The following GPHN variants were observed in gnomAD, a reference collection of about 807,000 sequenced individuals.
GPHN encodes the protein gephyrin.
GPHN carries 17 observed loss-of-function variants against 95.5 expected under a neutral mutation model. The ratio of observed to expected loss-of-function variants is 0.18; its 90% CI spans 0.12 to 0.27. The LOEUF (loss-of-function observed/expected upper bound fraction) is 0.27. Among genes scored for constraint, GPHN ranks in the 10% least tolerant of loss-of-function variants. The pLI, the probability that GPHN is intolerant of heterozygous loss-of-function variation, is 1.00. For synonymous variants in GPHN, 320 were observed against 322.5 expected, an observed-to-expected ratio of 0.99 and a Z score of 0.08; for missense variants, 660 against 978.1, an observed-to-expected ratio of 0.67 and a Z score of 4.34.
At chr14:67,301,555 C>A in the GPHN span, 1 of 756,474 alleles carries the variant, frequency 1.3e-6, no homozygotes, top group Non-Finnish European at 2.1e-6. Context: ...GAAGAGATGT[C>A]AAACATTCTC....
chr14:66,814,642 T>C (rs1350902238), intron 3 of GPHN, among the ~76,000 whole-genome samples: 1 of 151,604 alleles, frequency 6.6e-6, no homozygotes, highest in East Asian at 1.9e-4. Context: ...TCAAATAGGA[T>C]AAAAGAAAAA....
At chr14:67,455,600 G>A in the GPHN span, among the ~76,000 whole-genome samples, 16 of 152,270 alleles carry the variant, frequency 1.1e-4, no homozygotes, top group African/African-American at 3.6e-4. Context: ...AATAATAAAT[G>A]AAAAGCTAGG....
At chr14:67,392,631 G>A in the GPHN span, 1 of 1,582,720 alleles carries the variant, frequency 6.3e-7, no homozygotes, top group Non-Finnish European at 8.7e-7. Flanking sequence ...CTTTTGCCCT[G>A]GTGGCAAGAA....
intron 4 of GPHN, among the ~76,000 whole-genome samples, chr14:66,876,487 GAGAT>G (rs1391848712): frequency 6.6e-6 from 1 of 151,924 alleles, no homozygotes; most frequent in African/African-American, 2.4e-5. Flanking sequence ...ATTAACAAAA[GAGAT>G]AGAACACTAG....
chr14:67,366,915 G>A, the GPHN span, among the ~76,000 whole-genome samples: 1 of 145,896 alleles, frequency 6.9e-6, no homozygotes, highest in Admixed American at 7.0e-5. Context: ...AGGCAGCTAA[G>A]GTTCTAGCAG....
At chr14:66,787,406 G>C (rs999440378) in intron 3 of GPHN, among the ~76,000 whole-genome samples, 2 of 152,124 alleles carry the variant, frequency 1.3e-5, no homozygotes, top group African/African-American at 4.8e-5. Flanking sequence ...AATGATGTCA[G>C]TTCTCCCCTA....
At chr14:67,126,859 A>G (rs1174429899) in intron 17 of GPHN, among the ~76,000 whole-genome samples, 3 of 151,746 alleles carry the variant, frequency 2.0e-5, no homozygotes, top group African/African-American at 4.8e-5. Flanking sequence ...ATGTCCAACA[A>G]TGATAGACTG....
chr14:66,957,918 A>G (rs1176484237), intron 8 of GPHN, among the ~76,000 whole-genome samples: 1 of 152,170 alleles, frequency 6.6e-6, no homozygotes, highest in African/African-American at 2.4e-5. Flanking sequence ...TGTGCTCCTT[A>G]TGAGAATTTA....
intron 11 of GPHN, among the ~76,000 whole-genome samples, chr14:67,069,375 C>T (rs2076192184): frequency 1.3e-5 from 2 of 152,166 alleles, no homozygotes; most frequent in South Asian, 4.1e-4. Context: ...CTTCCTACTG[C>T]TTGGAATCAA....
intron 17 of GPHN, 132 bp from the exon 18 acceptor site, chr14:67,143,230 C>A: frequency 1.4e-6 from 1 of 718,428 alleles, no homozygotes; most frequent in Non-Finnish European, 2.6e-6. Context: ...TTTTGATTCC[C>A]ACTTCATACA....
chr14:66,821,704 T>C (rs2061197163), intron 3 of GPHN, among the ~76,000 whole-genome samples: 1 of 152,224 alleles, frequency 6.6e-6, no homozygotes, highest in South Asian at 2.1e-4. Context: ...GACTGAATGA[T>C]AGGATTTCTA....
At chr14:66,973,521 C>T (rs10136043) in intron 9 of GPHN, among the ~76,000 whole-genome samples, 3 of 152,044 alleles carry the variant, frequency 2.0e-5, no homozygotes, top group South Asian at 2.1e-4. Context: ...CACTTTGGAA[C>T]GCCAAGGCGG....
chr14:67,653,481 T>C, the GPHN span: 1 of 1,614,062 alleles, frequency 6.2e-7, no homozygotes, highest in Non-Finnish European at 8.5e-7. Flanking sequence ...TGCTCAAGTT[T>C]TCACTTGTGT....
chr14:67,559,480 G>T, the GPHN span: 1 of 628,328 alleles, frequency 1.6e-6, no homozygotes. Context: ...TTCAACAAAC[G>T]ATTTCTGCTC....
chr14:67,397,852 G>C, the GPHN span: 2 of 1,586,308 alleles, frequency 1.3e-6, no homozygotes, highest in East Asian at 2.3e-5. Context: ...AAAGCCCTGA[G>C]GTGAGGCGGT....
chr14:66,567,481 A>C (rs1452649279), intron 1 of GPHN, among the ~76,000 whole-genome samples: 3 of 152,126 alleles, frequency 2.0e-5, no homozygotes, highest in African/African-American at 4.8e-5. Context: ...ATTTGTTTGG[A>C]TCTGGGATTG....
chr14:67,359,520 T>C, the GPHN span: 1 of 946,060 alleles, frequency 1.1e-6, no homozygotes, highest in African/African-American at 1.7e-5. Context: ...AGCCTCGCCC[T>C]AGACTCAAGA....
intron 11 of GPHN, among the ~76,000 whole-genome samples, chr14:67,063,943 TC>T (rs1476274088): frequency 1.2e-4 from 19 of 152,230 alleles, no homozygotes; most frequent in Admixed American, 1.2e-3. Flanking sequence ...TGCCTGATTG[TC>T]CCTGGCCAGA....
intron 2 of GPHN, among the ~76,000 whole-genome samples, chr14:66,702,001 C>T (rs758184764): frequency 6.6e-6 from 1 of 152,198 alleles, no homozygotes; most frequent in African/African-American, 2.4e-5. Context: ...ATGTCCTCCA[C>T]AGCCCAACAC....
Sources: gnomAD v4.1 joint callset for allele counts (sites outside exome capture counted in the v4.1 genomes callset) on GRCh38, gnomAD v4.1.1 for gene constraint, MANE v1.5 for transcripts, NCBI Gene and HGNC (gene_info 2026-07-23, HGNC 2026-07-21) for gene names.